MED12L: variants seen among roughly 807,000 people sequenced by gnomAD.
MED12L encodes the protein mediator of RNA polymerase II transcription subunit 12-like protein.
Under a neutral mutation model 281.3 loss-of-function variants are expected in MED12L, and 60 were observed. The observed-to-expected ratio is 0.21, with a 90% CI of 0.17 to 0.26. The LOEUF (loss-of-function observed/expected upper bound fraction) is 0.26, where lower values mean the gene tolerates loss of function less well. MED12L is among the 10% of genes least tolerant of loss of function. MED12L has a pLI of 1.00. For missense variants in MED12L, 2,146 were observed against 2,680.9 expected, an observed-to-expected ratio of 0.80 and a Z score of 4.41; for synonymous variants, 974 against 987.2, an observed-to-expected ratio of 0.99 and a Z score of 0.25.
rs1223844747 is a variant in MED12L at position 151,193,579 on chromosome 3, G to A, written c.2163G>A (p.Lys721=). The change falls in exon 16 of 45, where the codon AAG becomes AAA. Residue 721 remains lysine (K), a synonymous_variant. Coordinates refer to ENST00000687756, the MANE Select transcript of MED12L (RefSeq NM_001393769.1). ...CAGTTAATTGTGAGAAGTTGGTGAAGAGGGAAAAGCCAAGGGAATTAATTT... is the reference window on the plus strand; with the variant it reads ...CAGTTAATTGTGAGAAGTTGGTGAAAAGGGAAAAGCCAAGGGAATTAATTT... ...RMSVNCEKLV[K]REKPRELIFP... is the part of the protein sequence containing the mutation. 6.2e-7 allele frequency: 1 copy of A among 1,614,040 alleles called. No homozygotes were observed. The highest frequency in any genetic ancestry group is 8.5e-7 in the Non-Finnish European group (1 of 1,179,920).
intron 2 of MED12L, 100 bp downstream of exon 2, chr3:151,087,125 A>G (rs1719347423): frequency 8.3e-6 from 8 of 958,820 alleles, no homozygotes; most frequent in African/African-American, 1.7e-5. Context: ...CTGCGGTGGA[A>G]GAGGTCGGGG....
At chr3:151,183,538 G>T (rs1722942507) in intron 11 of MED12L, among the ~76,000 whole-genome samples, 1 of 152,194 alleles carries the variant, frequency 6.6e-6, no homozygotes, top group African/African-American at 2.4e-5. Flanking sequence ...TCTCAGAGAT[G>T]ATGTGGGCAC....
chr3:151,368,314 C>A, intron 25 of MED12L, 63 bp downstream of exon 25: 3 of 1,390,836 alleles, frequency 2.2e-6, no homozygotes, highest in Non-Finnish European at 3.1e-6. Context: ...CTAAAATGAC[C>A]AAATAGGCTG....
intron 5 of MED12L, among the ~76,000 whole-genome samples, chr3:151,141,198 T>TTTTTTG (rs1560088043): frequency 8.2e-5 from 12 of 145,878 alleles, no homozygotes; most frequent in African/African-American, 3.1e-4. Context: ...TTTTTTTTTT[T>TTTTTTG]TTGTTAGTAG....
intron 5 of MED12L, among the ~76,000 whole-genome samples, chr3:151,133,616 G>T (rs1471576743): frequency 1.3e-5 from 2 of 151,540 alleles, no homozygotes; most frequent in Non-Finnish European, 2.9e-5. Flanking sequence ...AAAAAAAAAA[G>T]GTTTAGGTGG....
chr3:151,238,213 C>G (rs948885077), intron 16 of MED12L, among the ~76,000 whole-genome samples: 5 of 152,110 alleles, frequency 3.3e-5, no homozygotes, highest in African/African-American at 4.8e-5. Context: ...GTGGCACTAT[C>G]TTGGCTCACT....
chr3:151,363,605 A>G (rs964499851), intron 21 of MED12L, among the ~76,000 whole-genome samples: 4 of 152,212 alleles, frequency 2.6e-5, no homozygotes, highest in African/African-American at 9.6e-5. Context: ...TTCAATGACA[A>G]CCAACACATT....
chr3:151,228,922 C>T (rs774528835), intron 16 of MED12L, among the ~76,000 whole-genome samples: 5 of 152,178 alleles, frequency 3.3e-5, no homozygotes, highest in Non-Finnish European at 5.9e-5. Flanking sequence ...CTCTTTTCGC[C>T]TCACTGAGAT....
At position 151,355,289 on chromosome 3, in the gene MED12L, TAAA is replaced by T. The variant is rs200915197; in HGVS notation, c.2517+53_2517+55del. 1,014 of 1,358,084 alleles carry T rather than the reference TAAA, an allele frequency of 7.5e-4. 13 individuals carry two copies. The East Asian group carries it at 0.02, about 27-fold the overall frequency. 84.1% of individuals were successfully genotyped at this position (1,358,084 alleles called of 1,614,324 possible). A position where few individuals can be genotyped will look rare whatever the true frequency, so the allele number is the denominator to read the frequency against. ...TGCATTTGCAGTATTCTAATTTACTTAAAAATTTTTTTCATGCAGTATATTTTC... is the reference window on the plus strand; with the variant it reads ...TGCATTTGCAGTATTCTAATTTACTTAATTTTTTTCATGCAGTATATTTTC... On this transcript the variant is annotated intron_variant, in intron 18 of 44. Coordinates refer to ENST00000687756, the MANE Select transcript of MED12L (RefSeq NM_001393769.1).
rs1319966581 is a variant in MED12L at position 151,122,783 on chromosome 3, A to G, written c.205A>G (p.Ile69Val). ...CCCTTTTTTTCTCTTCTTTCCACAG[A>G]TTGGAGCTTATTTTAGCAGCATATT... ...ARNIVINPSK[I>V]GAYFSSILAE... The change falls in exon 4 of 45, where the codon ATT (isoleucine) becomes GTT (valine). Residue 69 changes from isoleucine (I) to valine (V), a missense_variant and splice_region_variant. Transcript: ENST00000687756. The G allele has an allele frequency of 1.9e-6, 3 of 1,596,266 alleles. No individual in the cohort carries two copies. Among genetic ancestry groups the G allele is most frequent in the African/African-American group, 1.3e-5 (1 of 74,252 alleles).
intron 16 of MED12L, among the ~76,000 whole-genome samples, chr3:151,255,416 C>A (rs988490435): frequency 1.3e-5 from 2 of 149,652 alleles, no homozygotes; most frequent in African/African-American, 5.0e-5. Flanking sequence ...GGAAAGTCCA[C>A]GGCAGTTAAA....
chr3:151,426,437 C>G (rs895437699), intron 43 of MED12L, among the ~76,000 whole-genome samples: 1 of 152,068 alleles, frequency 6.6e-6, no homozygotes, highest in African/African-American at 2.4e-5. Context: ...GCTCCAGAGC[C>G]CAGAGAAATT....
At chr3:151,207,047 A>ATTTTTT (rs879695592) in intron 16 of MED12L, among the ~76,000 whole-genome samples, 10 of 131,916 alleles carry the variant, frequency 7.6e-5, no homozygotes, top group Non-Finnish European at 3.3e-5. Context: ...TAGCCATGTG[A>ATTTTTT]TTTTTTTTTT....
chr3:151,143,055 A>G (rs1163221500), intron 5 of MED12L, among the ~76,000 whole-genome samples: 1 of 152,230 alleles, frequency 6.6e-6, no homozygotes, highest in Non-Finnish European at 1.5e-5. Context: ...CTTTAATTAA[A>G]TGAACATAAC....
At chr3:151,346,564 G>A (rs561437366) in intron 16 of MED12L, among the ~76,000 whole-genome samples, 81 of 152,208 alleles carry the variant, frequency 5.3e-4, no homozygotes, top group African/African-American at 1.9e-3. Flanking sequence ...CATCCATTGT[G>A]ACTTCTTAAC....
At chr3:151,247,915 C>T (rs1735995058) in intron 16 of MED12L, among the ~76,000 whole-genome samples, 1 of 146,154 alleles carries the variant, frequency 6.8e-6, no homozygotes, top group Non-Finnish European at 1.5e-5. Context: ...AGACAGGGCT[C>T]CTTTTAAAAA....
At chr3:151,406,175 G>A (rs1418055249) in intron 39 of MED12L, among the ~76,000 whole-genome samples, 1 of 152,182 alleles carries the variant, frequency 6.6e-6, no homozygotes, top group African/African-American at 2.4e-5. Flanking sequence ...TTGGTTTAAT[G>A]TGGCCAAACC....
intron 40 of MED12L, 122 bp downstream of exon 40, chr3:151,409,454 C>G: frequency 1.3e-6 from 1 of 788,676 alleles, no homozygotes; most frequent in East Asian, 2.7e-5. Flanking sequence ...ACTTCTTCTA[C>G]TTATAGATTA....
chr3:151,382,200 G>A (rs1461609290), intron 32 of MED12L, among the ~76,000 whole-genome samples: 7 of 152,082 alleles, frequency 4.6e-5, no homozygotes, highest in Admixed American at 2.6e-4. Flanking sequence ...TATCAAGGAA[G>A]ACACATACAT....
Sources: allele counts gnomAD v4.1 joint callset (sites outside exome capture counted in the v4.1 genomes callset), GRCh38; gene constraint gnomAD v4.1.1; transcripts MANE v1.5; gene names NCBI Gene and HGNC (gene_info 2026-07-23, HGNC 2026-07-21).